MACO1: variants seen among roughly 807,000 people sequenced by gnomAD.
The protein encoded by MACO1 is macoilin 1, also known as macoilin.
MACO1 carries 14 observed loss-of-function variants against 78.7 expected under a neutral mutation model. That is an observed-to-expected ratio of 0.18 (90% CI 0.12 to 0.28). The LOEUF is 0.28. Ranked by LOEUF, MACO1 falls within the 10% of genes least tolerant of loss-of-function variation. MACO1 has a pLI of 1.00. For missense variants in MACO1, 501 were observed against 799.0 expected (o/e 0.63, Z 4.50); for synonymous variants, 288 against 291.6 (o/e 0.99, Z 0.12).
intron 7 of MACO1, among the ~76,000 whole-genome samples, chr1:25,484,659 G>T (rs1468220886): frequency 6.6e-6 from 1 of 152,174 alleles, no homozygotes; most frequent in Admixed American, 6.5e-5. Context: ...AGAACTAAAA[G>T]ATGACATTGA....
At chr1:25,491,717 A>G (rs899515152) in intron 10 of MACO1, 133 bp downstream of exon 10, 8 of 662,292 alleles carry the variant, frequency 1.2e-5, no homozygotes, top group East Asian at 1.1e-4. Context: ...TAAGTGCCCA[A>G]CATTGAAATA....
chr1:25,489,297 A>AG lies in MACO1; in HGVS notation c.1617+10dup. The AG allele has an allele frequency of 6.2e-7, 1 of 1,612,916 alleles. No individual in the cohort carries two copies. The highest frequency in any genetic ancestry group is 8.5e-7 in the Non-Finnish European group (1 of 1,179,608). On this transcript the variant is annotated splice_donor_region_variant and intron_variant, in intron 9 of 10. Coordinates refer to ENST00000374343, the MANE Select transcript of MACO1 (RefSeq NM_018202.6). ...AGAACTAGAACTAAAAGTCCAGGTA[A>AG]GGGGGGAACAAAAGACTTCCCTTGT...
At position 25,499,223 on chromosome 1, in the gene MACO1, C is replaced by CT. The variant is rs1476311940; in HGVS notation, c.*758dup. The CT allele has an allele frequency of 6.6e-6, 1 of 152,240 alleles. No individual in the cohort carries two copies. The highest frequency in any genetic ancestry group is 2.4e-5 in the African/African-American group (1 of 41,460). The allele number at this position is 152,240 out of a possible 1,614,324, so 9.4% of individuals were successfully genotyped here. ...AACTCTTTTCCCCCTTTACCGTCAT[C>CT]TATCCTCTATCTGTATCAAGCTCAC... On this transcript the variant is annotated 3_prime_UTR_variant, in exon 11 of 11. Transcript: ENST00000374343.
chr1:25,493,796 G>A lies in MACO1; in HGVS notation c.1792+2212G>A, dbSNP rs912473738. On this transcript the variant is annotated intron_variant, in intron 10 of 10. Coordinates refer to ENST00000374343, the MANE Select transcript of MACO1 (RefSeq NM_018202.6). ...CACCCAGGCTGGAGTGCAGTGGCACGATCTCGGTGCACTGCAAGCTCCAGC... is the reference window on the plus strand; with the variant it reads ...CACCCAGGCTGGAGTGCAGTGGCACAATCTCGGTGCACTGCAAGCTCCAGC... Among the ~76,000 whole-genome samples the A allele has an allele frequency of 1.2e-4, 16 of 138,666 alleles. 1 individual carries two copies. The highest frequency in any genetic ancestry group is 2.0e-4 in the Non-Finnish European group (13 of 66,232). 91.0% of individuals were successfully genotyped at this position (138,666 alleles called of 152,430 possible).
chr1:25,481,004 A>G (rs995644857), intron 6 of MACO1, among the ~76,000 whole-genome samples: 4 of 136,832 alleles, frequency 2.9e-5, no homozygotes, highest in Non-Finnish European at 1.5e-5. Context: ...CAGAAGTTAT[A>G]ATCTAGATAT....
In MACO1 at chr1:25,431,091, G is replaced by C. The variant is rs768746268; in HGVS notation, c.-8G>C. 1 of 1,583,932 alleles carries C rather than the reference G, an allele frequency of 6.3e-7. No individual in the cohort carries two copies. Among genetic ancestry groups the C allele is most frequent in the Non-Finnish European group, 8.6e-7 (1 of 1,168,400 alleles). On this transcript the variant is annotated 5_prime_UTR_variant, in exon 1 of 11. Transcript: ENST00000374343. ...GGCGGCGCGGGCACCCGGCCCCCCA[G>C]CGGGAGGATGAAGCGGCGGAACGCC... is the stretch of plus-strand genomic sequence containing the variant.
chr1:25,468,548 G>T (rs1467956157), intron 6 of MACO1, among the ~76,000 whole-genome samples: 1 of 152,194 alleles, frequency 6.6e-6, no homozygotes, highest in Non-Finnish European at 1.5e-5. Flanking sequence ...TTCTTAAGGA[G>T]AATATGGAAA....
At position 25,471,487 on chromosome 1, in the gene MACO1, TAA is replaced by T. The variant is rs752928255; in HGVS notation, c.1154+12596_1154+12597del. Among the ~76,000 whole-genome samples, 11 of 152,370 alleles carry T rather than the reference TAA, an allele frequency of 7.2e-5. No homozygotes were observed. The South Asian group carries it at 8.3e-4, about 11-fold the overall frequency. The stretch of plus-strand genomic sequence containing the variant: ...CTGCATTGTTTATTTCTGCATAGTT[TAA>T]GTTTTTATAACATGCTTATTATACC... On this transcript the variant is annotated intron_variant, in intron 6 of 10. Coordinates refer to ENST00000374343, the MANE Select transcript of MACO1 (RefSeq NM_018202.6).
intron 8 of MACO1, among the ~76,000 whole-genome samples, chr1:25,486,114 T>C (rs2043428196): frequency 6.6e-6 from 1 of 152,200 alleles, no homozygotes; most frequent in Non-Finnish European, 1.5e-5. Flanking sequence ...CTAAATGCAT[T>C]GAGAGATTCT....
At chr1:25,443,552 TG>T (rs146320595) in intron 1 of MACO1, among the ~76,000 whole-genome samples, 1,860 of 152,282 alleles carry the variant, frequency 0.012, 15 homozygotes, top group Non-Finnish European at 0.019. Flanking sequence ...TGAAAAGAAA[TG>T]TATCAAAAGG....
intron 1 of MACO1, among the ~76,000 whole-genome samples, chr1:25,432,630 C>G (rs1160578219): frequency 6.6e-6 from 1 of 152,210 alleles, no homozygotes; most frequent in African/African-American, 2.4e-5. Context: ...GTTACATACA[C>G]TATACATTCT....
At chr1:25,477,093 G>C (rs1201482598) in intron 6 of MACO1, among the ~76,000 whole-genome samples, 1 of 152,198 alleles carries the variant, frequency 6.6e-6, no homozygotes, top group Non-Finnish European at 1.5e-5. Flanking sequence ...TTAAACATCA[G>C]AACAGCAGCA....
intron 6 of MACO1, among the ~76,000 whole-genome samples, chr1:25,480,948 A>T (rs1377322596): frequency 2.4e-5 from 1 of 41,320 alleles, no homozygotes; most frequent in Non-Finnish European, 5.0e-5. Context: ...ATATATATAT[A>T]TATATATATA....
chr1:25,469,761 C>T (rs998140804), intron 6 of MACO1, among the ~76,000 whole-genome samples: 2 of 151,830 alleles, frequency 1.3e-5, no homozygotes, highest in East Asian at 1.9e-4. Flanking sequence ...CTCAGCCTCC[C>T]GAGTAGCTGG....
chr1:25,458,965 G>A, intron 6 of MACO1, 73 bp downstream of exon 6: 2 of 1,503,140 alleles, frequency 1.3e-6, no homozygotes, highest in Non-Finnish European at 1.8e-6. Flanking sequence ...CTCCCATATG[G>A]GCCTGTAGGG....
intron 3 of MACO1, among the ~76,000 whole-genome samples, chr1:25,453,475 A>G (rs2043086288): frequency 6.6e-6 from 1 of 150,884 alleles, no homozygotes; most frequent in Admixed American, 6.6e-5. Context: ...CATCCTGGCT[A>G]ACACGGTGAA....
intron 1 of MACO1, among the ~76,000 whole-genome samples, chr1:25,437,436 C>T (rs1007355242): frequency 3.3e-5 from 5 of 151,450 alleles, no homozygotes; most frequent in African/African-American, 9.7e-5. Context: ...GGATTATAGG[C>T]ATGAGCCACC....
At chr1:25,434,500 A>G (rs1225247170) in intron 1 of MACO1, among the ~76,000 whole-genome samples, 1 of 152,212 alleles carries the variant, frequency 6.6e-6, no homozygotes, top group Non-Finnish European at 1.5e-5. Flanking sequence ...TAGTAATACC[A>G]TCTTAAATTT....
chr1:25,483,200 G>A (rs747924523), intron 6 of MACO1, among the ~76,000 whole-genome samples: 3 of 152,074 alleles, frequency 2.0e-5, no homozygotes, highest in Admixed American at 6.6e-5. Flanking sequence ...ACAGGCACGC[G>A]CCACCATGCC....
Sources: allele counts gnomAD v4.1 joint callset (sites outside exome capture counted in the v4.1 genomes callset), GRCh38; gene constraint gnomAD v4.1.1; transcripts MANE v1.5; gene names NCBI Gene and HGNC (gene_info 2026-07-23, HGNC 2026-07-21).